UBASH3B: variants seen among roughly 807,000 people sequenced by gnomAD.
UBASH3B encodes ubiquitin associated and SH3 domain containing B, also known as ubiquitin-associated and SH3 domain-containing protein B.
Under a neutral mutation model 83.4 loss-of-function variants are expected in UBASH3B, and 37 were observed. That is an observed-to-expected ratio of 0.44 (90% CI 0.34 to 0.58). The LOEUF is 0.58. Among genes scored for constraint, UBASH3B ranks in the 20% least tolerant of loss-of-function variants. The probability of loss-of-function intolerance (pLI) is 0.01; values close to 1 mark genes in which losing one functional copy is unlikely to be tolerated. For synonymous variants in UBASH3B, 304 were observed against 318.3 expected (o/e 0.96, Z 0.48); for missense variants, 657 against 827.2 (o/e 0.79, Z 2.52).
intron 1 of UBASH3B, among the ~76,000 whole-genome samples, chr11:122,660,744 GT>G (rs376985947): frequency 2.0e-5 from 3 of 152,118 alleles, no homozygotes; most frequent in Non-Finnish European, 4.4e-5. Context: ...ACCCTGATGA[GT>G]TTTTTTATTA....
chr11:122,762,652 A>T (rs1445888242), intron 1 of UBASH3B, among the ~76,000 whole-genome samples: 2 of 151,714 alleles, frequency 1.3e-5, no homozygotes, highest in Admixed American at 1.3e-4. Context: ...TCTTCAGTAG[A>T]CTCCTGCCAC....
At chr11:122,699,921 G>T (rs569818982) in intron 1 of UBASH3B, among the ~76,000 whole-genome samples, 7 of 152,204 alleles carry the variant, frequency 4.6e-5, no homozygotes, top group African/African-American at 1.7e-4. Context: ...AATCTATTAA[G>T]GTTTACGTAA....
intron 1 of UBASH3B, among the ~76,000 whole-genome samples, chr11:122,706,468 T>C (rs568416960): frequency 6.6e-6 from 1 of 152,326 alleles, no homozygotes; most frequent in South Asian, 2.1e-4. Flanking sequence ...GAGAAATAGC[T>C]TTGTTGCTAA....
At position 122,806,846 on chromosome 11, in the gene UBASH3B, C is replaced by T. The variant is rs371780799; in HGVS notation, c.1702+330C>T. On this transcript the variant is annotated intron_variant, in intron 12 of 13. Coordinates refer to ENST00000284273, the MANE Select transcript of UBASH3B (RefSeq NM_032873.5). This position sits in a 1 kb window ranked among gnomAD's most constrained non-coding sequence, Gnocchi z 4.0. ...ACTGTTTTGCCTATAATTGATGCAG[C>T]GGCATGCACACCTACACACAGCACA... 7.8e-4 allele frequency among the ~76,000 whole-genome samples: 119 copies of T among 152,250 alleles called. No individual in the cohort carries two copies. Among genetic ancestry groups the T allele is most frequent in the African/African-American group, 2.8e-3 (115 of 41,556 alleles).
chr11:122,759,212 A>G lies in UBASH3B; in HGVS notation c.162-17007A>G, dbSNP rs1415395867. Among the ~76,000 whole-genome samples the G allele has an allele frequency of 6.6e-6, 1 of 152,194 alleles. No individual in the cohort carries two copies. The highest frequency in any genetic ancestry group is 1.5e-5 in the Non-Finnish European group (1 of 68,042). Reference sequence around the variant, plus strand: ...CCCAGCTTTTTGTTGGATGTTGGCTACAAGCCACTCTCAGGTCCTAACGAG... The same window carrying G: ...CCCAGCTTTTTGTTGGATGTTGGCTGCAAGCCACTCTCAGGTCCTAACGAG... On this transcript the variant is annotated intron_variant, in intron 1 of 13. Transcript: ENST00000284273. This position sits in a 1 kb window ranked among gnomAD's most constrained non-coding sequence, Gnocchi z 4.1.
intron 1 of UBASH3B, among the ~76,000 whole-genome samples, chr11:122,752,367 G>A (rs1861213335): frequency 6.6e-6 from 1 of 152,222 alleles, no homozygotes; most frequent in Admixed American, 6.5e-5. Flanking sequence ...GAGGCCAGGT[G>A]GGCATTAAGA....
At chr11:122,716,621 G>A (rs549977511) in intron 1 of UBASH3B, among the ~76,000 whole-genome samples, 1 of 152,278 alleles carries the variant, frequency 6.6e-6, no homozygotes, top group Admixed American at 6.5e-5. Flanking sequence ...AGGCAAGGTT[G>A]CCTGTGGGAG....
At chr11:122,677,614 G>A (rs1457124299) in intron 1 of UBASH3B, among the ~76,000 whole-genome samples, 2 of 152,110 alleles carry the variant, frequency 1.3e-5, no homozygotes, top group South Asian at 4.1e-4. Flanking sequence ...TTTGCATGGT[G>A]CCTGGTACAT....
Position 122,655,975 on chromosome 11 carries a change from C to A in UBASH3B, c.-75C>A. 7.4e-7 allele frequency: 1 copy of A among 1,357,960 alleles called. No homozygotes were observed. The highest frequency in any genetic ancestry group is 9.6e-7 in the Non-Finnish European group (1 of 1,040,874). 84.1% of individuals were successfully genotyped at this position (1,357,960 alleles called of 1,614,324 possible). A position where few individuals can be genotyped will look rare whatever the true frequency, so the allele number is the denominator to read the frequency against. On this transcript the variant is annotated 5_prime_UTR_variant, in exon 1 of 14. Transcript: ENST00000284273. Reference sequence around the variant, plus strand: ...TGGGTCCCCGAGCCCCCTCCCCTGGCCCAGCCCGACTCCCTCCTCCTTCCC... The same window carrying A: ...TGGGTCCCCGAGCCCCCTCCCCTGGACCAGCCCGACTCCCTCCTCCTTCCC...
intron 1 of UBASH3B, among the ~76,000 whole-genome samples, chr11:122,683,631 A>ATAATAAT (rs1406029913): frequency 1.5e-5 from 2 of 129,180 alleles, no homozygotes; most frequent in Admixed American, 8.2e-5. Flanking sequence ...AATAATAATA[A>ATAATAAT]AATAAAATAT....
At chr11:122,808,710 C>G (rs1485841467) in intron 13 of UBASH3B, among the ~76,000 whole-genome samples, 1 of 152,218 alleles carries the variant, frequency 6.6e-6, no homozygotes, top group Non-Finnish European at 1.5e-5. Flanking sequence ...AGCTGCCTCC[C>G]ACACACTTCC....
chr11:122,723,294 C>T (rs188609015), intron 1 of UBASH3B, among the ~76,000 whole-genome samples: 102 of 152,284 alleles, frequency 6.7e-4, no homozygotes, highest in Non-Finnish European at 1.1e-3. Context: ...ATGAGGAAGC[C>T]GTTAACCTCC....
chr11:122,757,848 G>T lies in UBASH3B; in HGVS notation c.162-18371G>T, dbSNP rs576534549. 1.3e-4 allele frequency among the ~76,000 whole-genome samples: 19 copies of T among 151,772 alleles called. No individual in the cohort carries two copies. The East Asian group carries it at 2.5e-3, about 20-fold the overall frequency. ...CCTGCCTCAACCTCCTGAGTAGCTG[G>T]GATTACAGGCGCCTGCCACCACACC... On this transcript the variant is annotated intron_variant, in intron 1 of 13. Coordinates refer to ENST00000284273, the MANE Select transcript of UBASH3B (RefSeq NM_032873.5).
At chr11:122,746,598 T>C (rs1861122129) in intron 1 of UBASH3B, among the ~76,000 whole-genome samples, 2 of 151,932 alleles carry the variant, frequency 1.3e-5, no homozygotes, top group Admixed American at 6.6e-5. Context: ...GTGGGAAAAA[T>C]AGACATAGAA....
At chr11:122,689,256 C>A (rs1863853504) in intron 1 of UBASH3B, among the ~76,000 whole-genome samples, 1 of 152,158 alleles carries the variant, frequency 6.6e-6, no homozygotes, top group South Asian at 2.1e-4. Flanking sequence ...GAGGTTATTA[C>A]TTCGCAATTT....
chr11:122,661,868 AAAAAAC>A (rs1863445057), intron 1 of UBASH3B, among the ~76,000 whole-genome samples: 1 of 151,028 alleles, frequency 6.6e-6, no homozygotes, highest in Non-Finnish European at 1.5e-5. Flanking sequence ...CCAAAAAAAA[AAAAAAC>A]AAAAAAAAAA....
chr11:122,714,944 T>C (rs1376272226), intron 1 of UBASH3B, among the ~76,000 whole-genome samples: 2 of 152,188 alleles, frequency 1.3e-5, no homozygotes, highest in Non-Finnish European at 2.9e-5. Context: ...AATTTTTTGT[T>C]GTTGTTCTTG....
intron 1 of UBASH3B, among the ~76,000 whole-genome samples, chr11:122,676,437 G>A (rs188455180): frequency 6.6e-6 from 1 of 152,244 alleles, no homozygotes; most frequent in Non-Finnish European, 1.5e-5. Context: ...TACTCAAGAG[G>A]CTAAGGCAGG....
intron 1 of UBASH3B, among the ~76,000 whole-genome samples, chr11:122,687,547 C>A (rs757647172): frequency 1.8e-4 from 28 of 152,046 alleles, no homozygotes; most frequent in Non-Finnish European, 3.4e-4. Flanking sequence ...GAGGAGGGAC[C>A]ACGAGAAAGA....
Sources: gnomAD v4.1 joint callset for allele counts (sites outside exome capture counted in the v4.1 genomes callset) on GRCh38, gnomAD v4.1.1 for gene constraint, Gnocchi (gnomAD v3.1) non-coding constraint, MANE v1.5 for transcripts, NCBI Gene and HGNC (gene_info 2026-07-23, HGNC 2026-07-21) for gene names.